ZNF831: variants seen among roughly 807,000 people sequenced by gnomAD.
ZNF831 encodes the protein chromosome 20 open reading frame 174.
In ZNF831, 59 loss-of-function variants were observed where a neutral mutation model predicts 95.8. The ratio of observed to expected loss-of-function variants is 0.62; its 90% CI spans 0.50 to 0.77. The LOEUF (loss-of-function observed/expected upper bound fraction) is 0.77, where lower values mean the gene tolerates loss of function less well. Among genes scored for constraint, ZNF831 ranks in the 30% least tolerant of loss-of-function variants. The pLI, the probability that ZNF831 is intolerant of heterozygous loss-of-function variation, is 0.00. For synonymous variants in ZNF831, 961 were observed against 925.5 expected, an observed-to-expected ratio of 1.04 and a Z score of -0.70; for missense variants, 2,205 against 2,164.0, an observed-to-expected ratio of 1.02 and a Z score of -0.38.
upstream of ZNF831, among the ~76,000 whole-genome samples, chr20:59,162,488 T>A (rs1980933070): frequency 6.6e-6 from 1 of 152,214 alleles, no homozygotes; most frequent in Non-Finnish European, 1.5e-5. Flanking sequence ...CTAATCACTC[T>A]ATTCAACATT....
At chr20:59,128,751 T>C (rs1026859735) in intron 1 of ZNF831, among the ~76,000 whole-genome samples, 4 of 152,184 alleles carry the variant, frequency 2.6e-5, no homozygotes, top group African/African-American at 9.7e-5. Flanking sequence ...AAAACACTTT[T>C]TATTTTGAAA....
At chr20:59,138,895 C>G (rs1281451121) in intron 1 of ZNF831, among the ~76,000 whole-genome samples, 1 of 152,164 alleles carries the variant, frequency 6.6e-6, no homozygotes, top group Non-Finnish European at 1.5e-5. Flanking sequence ...TGGATGTTCC[C>G]TTGGATTTTT....
intron 1 of ZNF831, among the ~76,000 whole-genome samples, chr20:59,125,302 C>T (rs544674560): frequency 7.0e-4 from 106 of 152,344 alleles, no homozygotes; most frequent in African/African-American, 1.7e-3. Flanking sequence ...TGAAATAATA[C>T]AAAGTCCTTA....
rs113522005 is a variant in ZNF831 at position 59,132,995 on chromosome 20, G to A, written c.-1425+9490G>A. Among the ~76,000 whole-genome samples the A allele has an allele frequency of 3.4e-4, 52 of 151,616 alleles. 1 individual carries two copies. Among genetic ancestry groups the A allele is most frequent in the African/African-American group, 1.2e-3 (51 of 41,284 alleles). ...CATGACGTCCGTAGGATCACTTTGG[G>A]CAGTTGCTATGCTCCGGTCCTGCAT... On this transcript the variant is annotated intron_variant, in intron 1 of 7. Coordinates refer to the ZNF831 transcript ENST00000637017.
At chr20:59,230,111 G>GA (rs1986643731) in intron 4 of ZNF831, among the ~76,000 whole-genome samples, 1 of 151,946 alleles carries the variant, frequency 6.6e-6, no homozygotes, top group Admixed American at 6.5e-5. Flanking sequence ...TTATTTAAGT[G>GA]AAAAAAGGAA....
At chr20:59,205,865 C>T (rs1314068450) in intron 3 of ZNF831, among the ~76,000 whole-genome samples, 1 of 152,162 alleles carries the variant, frequency 6.6e-6, no homozygotes, top group African/African-American at 2.4e-5. Flanking sequence ...GGTTGATGGC[C>T]TGTTTGTGGT....
intron 4 of ZNF831, among the ~76,000 whole-genome samples, chr20:59,231,713 G>T (rs1986731673): frequency 6.6e-6 from 1 of 152,126 alleles, no homozygotes; most frequent in Non-Finnish European, 1.5e-5. Flanking sequence ...AAACCTCTCT[G>T]CACTTTCTCC....
At chr20:59,197,661 G>A (rs1470170971) in intron 3 of ZNF831, among the ~76,000 whole-genome samples, 1 of 152,148 alleles carries the variant, frequency 6.6e-6, no homozygotes, top group Non-Finnish European at 1.5e-5. Context: ...ATCACTCAGG[G>A]TCCTGAGACA....
chr20:59,241,218 C>G (rs1341058742), intron 4 of ZNF831, among the ~76,000 whole-genome samples: 1 of 152,138 alleles, frequency 6.6e-6, no homozygotes, highest in East Asian at 1.9e-4. Context: ...CCTTGAGGTT[C>G]AAGTCTCCAT....
chr20:59,138,581 C>T (rs998382821), intron 1 of ZNF831, among the ~76,000 whole-genome samples: 1 of 152,208 alleles, frequency 6.6e-6, no homozygotes, highest in Non-Finnish European at 1.5e-5. Flanking sequence ...GATTATGCTC[C>T]ATTCCCACAC....
intron 4 of ZNF831, among the ~76,000 whole-genome samples, chr20:59,207,691 C>A (rs1468063594): frequency 6.6e-6 from 1 of 152,200 alleles, no homozygotes; most frequent in Non-Finnish European, 1.5e-5. Flanking sequence ...CTTCCTTTCT[C>A]CCCTCTCCCC....
intron 1 of ZNF831, among the ~76,000 whole-genome samples, chr20:59,166,621 T>C (rs1981289616): frequency 6.6e-6 from 1 of 152,124 alleles, no homozygotes; most frequent in African/African-American, 2.4e-5. Flanking sequence ...CACTAGTCTG[T>C]CCTCCAGTTT....
chr20:59,137,377 C>T (rs1979542382), intron 1 of ZNF831, among the ~76,000 whole-genome samples: 1 of 151,542 alleles, frequency 6.6e-6, no homozygotes, highest in Non-Finnish European at 1.5e-5. Flanking sequence ...TATTTCTGTT[C>T]ACCAATGATG....
intron 4 of ZNF831, among the ~76,000 whole-genome samples, chr20:59,252,595 G>A (rs555738977): frequency 6.6e-6 from 1 of 151,910 alleles, no homozygotes; most frequent in South Asian, 2.1e-4. Flanking sequence ...ACCATGCATC[G>A]AGTGAAACGT....
chr20:59,221,708 A>G (rs1159891555), intron 4 of ZNF831, among the ~76,000 whole-genome samples: 2 of 152,162 alleles, frequency 1.3e-5, no homozygotes, highest in African/African-American at 2.4e-5. Context: ...CCCTTGCTAA[A>G]ACTCTTAAAA....
In ZNF831 at chr20:59,194,688, C is replaced by T. The variant is rs748608762; in HGVS notation, c.3669C>T (p.Gly1223=). The T allele has an allele frequency of 8.6e-5, 139 of 1,610,336 alleles. 1 individual carries two copies. Among genetic ancestry groups the T allele is most frequent in the Middle Eastern group, 6.6e-4 (4 of 6,070 alleles). The change falls in exon 2 of 6, where the codon GGC becomes GGT. Residue 1223 remains glycine, a synonymous_variant. Transcript: ENST00000371030. The part of the protein sequence containing the change: ...GSSLRDEGPN[G]PPGSNGGWTW... ...GCCTCCGAGATGAGGGTCCCAATGG[C>T]CCTCCTGGGAGCAATGGAGGATGGA... is the stretch of plus-strand genomic sequence containing the variant.
chr20:59,128,950 C>T lies in ZNF831; in HGVS notation c.-1425+5445C>T, dbSNP rs146561452. Among the ~76,000 whole-genome samples, 1,114 of 152,154 alleles carry T rather than the reference C, an allele frequency of 7.3e-3. 14 individuals carry two copies. Among genetic ancestry groups the T allele is most frequent in the African/African-American group, 0.025 (1,035 of 41,532 alleles). On this transcript the variant is annotated intron_variant, in intron 1 of 7. Transcript: ENST00000637017. ...CTAATTTTTGTATTTTTGGTAGAGA[C>T]GGGGTTTCACCCGTTGTTGGCCAGG...
At chr20:59,239,694 G>A (rs924100577) in intron 4 of ZNF831, among the ~76,000 whole-genome samples, 3 of 151,930 alleles carry the variant, frequency 2.0e-5, no homozygotes, top group African/African-American at 4.8e-5. Context: ...ACAGGCGCGC[G>A]CCACCACGCC....
In ZNF831 at chr20:59,194,517, T is replaced by C. The variant is rs780805293; in HGVS notation, c.3498T>C (p.Ser1166=). The change falls in exon 2 of 6, where the codon AGT becomes AGC. Residue 1166 remains serine, a synonymous_variant. Coordinates refer to ENST00000371030, the MANE Select transcript of ZNF831 (RefSeq NM_178457.3). ...SGTSRSHSTR[S]PHSTQNPFPS... is the part of the protein sequence containing the mutation. ...CGTCCCGGAGCCACAGCACCCGCAG[T>C]CCCCACAGCACCCAAAACCCCTTTC... 1.9e-6 allele frequency: 3 copies of C among 1,608,606 alleles called. No individual in the cohort carries two copies. Among genetic ancestry groups the C allele is most frequent in the East Asian group, 2.2e-5 (1 of 44,854 alleles).
Sources: allele counts gnomAD v4.1 joint callset (sites outside exome capture counted in the v4.1 genomes callset), GRCh38; gene constraint gnomAD v4.1.1; transcripts MANE v1.5; gene names NCBI Gene and HGNC (gene_info 2026-07-23, HGNC 2026-07-21).